Variants in MIX23 observed in about 807,000 individuals in gnomAD.
The protein encoded by MIX23 is mitochondrial matrix import factor 23.
A neutral mutation model predicts 21.6 loss-of-function variants in MIX23; 13 were observed. The observed-to-expected ratio is 0.60, with a 90% CI of 0.39 to 0.96. The LOEUF (loss-of-function observed/expected upper bound fraction) is 0.96. Ranked by LOEUF, MIX23 falls within the 40% of genes least tolerant of loss-of-function variation. The probability of loss-of-function intolerance (pLI) is 0.00; values close to 1 mark genes in which losing one functional copy is unlikely to be tolerated. For synonymous variants in MIX23, 59 were observed against 58.0 expected (o/e 1.02, Z -0.08); for missense variants, 144 against 171.2 (o/e 0.84, Z 0.89).
chr3:122,379,542 G>A (rs1182930562), intron 1 of MIX23, among the ~76,000 whole-genome samples: 3 of 152,150 alleles, frequency 2.0e-5, no homozygotes, highest in African/African-American at 7.2e-5. Context: ...TGAATTATGT[G>A]GATCATCCAT....
rs527562300 is a variant in MIX23 at position 122,359,830 on chromosome 3, T to TAAAAAAAAA, written c.*30_*38dup. The TAAAAAAAAA allele has an allele frequency of 2.7e-4, 274 of 1,007,696 alleles. 5 individuals are homozygous for TAAAAAAAAA. The highest frequency in any genetic ancestry group is 1.7e-3 in the African/African-American group (53 of 30,792). The allele number at this position is 1,007,696 out of a possible 1,614,324, so 62.4% of individuals were successfully genotyped here. On this transcript the variant is annotated 3_prime_UTR_variant, in exon 5 of 5. Coordinates refer to ENST00000291458, the MANE Select transcript of MIX23 (RefSeq NM_001017928.4). The stretch of plus-strand genomic sequence containing the variant: ...AGCTCTTATGAGATGACCCAGTCCT[T>TAAAAAAAAA]AAAAAAAAAAAAAAAAAAAAAAAAA...
chr3:122,366,097 G>A (rs9812341), intron 3 of MIX23, among the ~76,000 whole-genome samples: 8 of 151,610 alleles, frequency 5.3e-5, no homozygotes, highest in African/African-American at 1.9e-4. Context: ...AGAATCTCTT[G>A]AACCTGGGAG....
intron 3 of MIX23, chr3:122,366,499 C>G (rs2107678365): frequency 6.6e-6 from 1 of 152,336 alleles, no homozygotes; most frequent in Admixed American, 6.5e-5. Context: ...TTCTTTTCTA[C>G]TAATAGTTTT....
chr3:122,377,031 A>T (rs1317268958), intron 1 of MIX23, among the ~76,000 whole-genome samples: 1 of 152,186 alleles, frequency 6.6e-6, no homozygotes, highest in East Asian at 1.9e-4. Context: ...AATACAAAAA[A>T]TTAGCCGCGC....
chr3:122,364,974 T>A (rs913512278), intron 3 of MIX23, among the ~76,000 whole-genome samples: 1 of 152,184 alleles, frequency 6.6e-6, no homozygotes, highest in Admixed American at 6.5e-5. Flanking sequence ...TCCTCAGAGC[T>A]GTCTGCCTTT....
At chr3:122,380,957 A>AC in intron 1 of MIX23, among the ~76,000 whole-genome samples, 1 of 152,280 alleles carries the variant, frequency 6.6e-6, no homozygotes, top group East Asian at 1.9e-4. Flanking sequence ...CCTAACTCAC[A>AC]CGTGACACAC....
intron 2 of MIX23, among the ~76,000 whole-genome samples, chr3:122,370,767 C>T (rs2075435466): frequency 6.6e-6 from 1 of 152,156 alleles, no homozygotes; most frequent in African/African-American, 2.4e-5. Context: ...GACTAGGTCC[C>T]ATCCTGTCGA....
intron 4 of MIX23, 87 bp from the exon 5 acceptor site, chr3:122,360,006 A>G: frequency 7.9e-7 from 1 of 1,267,262 alleles, no homozygotes; most frequent in African/African-American, 1.5e-5. Context: ...AGGCTCCAAA[A>G]GGCTATTACC....
intron 1 of MIX23, 122 bp downstream of exon 1, chr3:122,383,052 G>C (rs560272777): frequency 1.5e-6 from 2 of 1,346,530 alleles, no homozygotes; most frequent in African/African-American, 2.9e-5. Context: ...CCAATGGCTC[G>C]AGAAAAGAGC....
At chr3:122,382,384 C>A (rs943125375) in intron 1 of MIX23, among the ~76,000 whole-genome samples, 2 of 152,142 alleles carry the variant, frequency 1.3e-5, no homozygotes, top group African/African-American at 2.4e-5. Flanking sequence ...TTCAAGAATA[C>A]CACTACCTTC....
chr3:122,371,659 C>A lies in MIX23; in HGVS notation c.177+16G>T. 6.2e-7 allele frequency: 1 copy of A among 1,610,918 alleles called. No individual in the cohort carries two copies. Among genetic ancestry groups the A allele is most frequent in the Non-Finnish European group, 8.5e-7 (1 of 1,179,466 alleles). On this transcript the variant is annotated intron_variant, in intron 2 of 4. Coordinates refer to ENST00000291458, the MANE Select transcript of MIX23 (RefSeq NM_001017928.4). ...AAAGGCATGAAAGAAGCAAAAGACT[C>A]AAAAAATACACTTACAGACTCATAA... is the stretch of plus-strand genomic sequence containing the variant.
intron 3 of MIX23, among the ~76,000 whole-genome samples, chr3:122,364,114 C>T (rs774757893): frequency 2.1e-4 from 32 of 152,266 alleles, no homozygotes; most frequent in Non-Finnish European, 4.0e-4. Context: ...CAACCAGGAG[C>T]GCAGTTCAGG....
rs1056607347 is a variant in MIX23 at position 122,371,571 on chromosome 3, G to T, written c.177+104C>A. 9 of 1,327,804 alleles carry T rather than the reference G, an allele frequency of 6.8e-6. No individual in the cohort carries two copies. In the African/African-American group the frequency reaches 1.0e-4, roughly 15 times the overall value. 82.3% of individuals were successfully genotyped at this position (1,327,804 alleles called of 1,614,324 possible). ...CACCATCAGGTATAGGCAAAGAAAA[G>T]ATGTCATTCCTTTAGTCACAGTCGA... On this transcript the variant is annotated intron_variant, in intron 2 of 4. Coordinates refer to ENST00000291458, the MANE Select transcript of MIX23 (RefSeq NM_001017928.4).
intron 2 of MIX23, among the ~76,000 whole-genome samples, chr3:122,370,796 A>T (rs2075435585): frequency 6.6e-6 from 1 of 152,160 alleles, no homozygotes; most frequent in South Asian, 2.1e-4. Flanking sequence ...ACTGAATTCT[A>T]CTCATTAAAG....
chr3:122,364,634 C>T (rs1483581250), intron 3 of MIX23, among the ~76,000 whole-genome samples: 1 of 152,112 alleles, frequency 6.6e-6, no homozygotes, highest in Non-Finnish European at 1.5e-5. Context: ...AAAGAGAATA[C>T]CCTGACACTG....
At chr3:122,360,146 A>T (rs1459700964) in intron 4 of MIX23, among the ~76,000 whole-genome samples, 1 of 151,796 alleles carries the variant, frequency 6.6e-6, no homozygotes, top group Non-Finnish European at 1.5e-5. Flanking sequence ...ATTTTAATAA[A>T]ATTTAAGTTA....
chr3:122,360,795 G>T (rs532656411), intron 4 of MIX23, among the ~76,000 whole-genome samples: 2 of 151,884 alleles, frequency 1.3e-5, no homozygotes, highest in Non-Finnish European at 2.9e-5. Context: ...AAAAATAAAA[G>T]AAAAATCTAA....
chr3:122,376,198 T>C (rs1444004720), intron 1 of MIX23, among the ~76,000 whole-genome samples: 1 of 144,574 alleles, frequency 6.9e-6, no homozygotes, highest in African/African-American at 2.6e-5. Context: ...AAGACACCTG[T>C]ACTTATATGT....
chr3:122,375,643 G>A (rs1030667301), intron 1 of MIX23, among the ~76,000 whole-genome samples: 6 of 152,092 alleles, frequency 3.9e-5, no homozygotes, highest in Non-Finnish European at 8.8e-5. Context: ...CTTCTTTTGT[G>A]TTATGTTTAA....
Sources: gnomAD v4.1 joint callset for allele counts (sites outside exome capture counted in the v4.1 genomes callset) on GRCh38, gnomAD v4.1.1 for gene constraint, MANE v1.5 for transcripts, NCBI Gene and HGNC (gene_info 2026-07-23, HGNC 2026-07-21) for gene names.